DEDD2: variants seen among roughly 807,000 people sequenced by gnomAD.
DEDD2 encodes the protein death effector domain containing 2, also known as DNA-binding death effector domain-containing protein 2.
In DEDD2, 18 loss-of-function variants were observed where a neutral mutation model predicts 28.9. The ratio of observed to expected loss-of-function variants is 0.62; its 90% CI spans 0.43 to 0.92. The LOEUF is 0.92. DEDD2 is among the 40% of genes least tolerant of loss of function. The probability of loss-of-function intolerance (pLI) is 0.00; values close to 1 mark genes in which losing one functional copy is unlikely to be tolerated. For synonymous variants in DEDD2, 211 were observed against 206.1 expected (o/e 1.02, Z -0.20); for missense variants, 411 against 463.3 (o/e 0.89, Z 1.04).
chr19:42,219,076 G>A (rs12611219), upstream of DEDD2, among the ~76,000 whole-genome samples: 12,484 of 152,184 alleles, frequency 0.082, 1,603 homozygotes, highest in East Asian at 0.63. Flanking sequence ...AGGCCGAGGC[G>A]GGCGGATCAC....
chr19:42,205,766 T>C (rs1272465109), intron 4 of DEDD2, among the ~76,000 whole-genome samples: 1 of 152,100 alleles, frequency 6.6e-6, no homozygotes, highest in Non-Finnish European at 1.5e-5. Flanking sequence ...AGCTAGTCTA[T>C]CTACTTTGGT....
chr19:42,216,925 C>T lies in DEDD2; in HGVS notation c.83G>A (p.Arg28His), dbSNP rs200635438. ...TTGCCCGCCCACCACCTCGAACATACGGTGAAGCGACAGCATCCCGTAGTA... is the reference window on the plus strand; with the variant it reads ...TTGCCCGCCCACCACCTCGAACATATGGTGAAGCGACAGCATCCCGTAGTA... ...LDYYGMLSLH[R>H]MFEVVGGQLT... The change falls in exon 2 of 5, where the codon CGT becomes CAT. Residue 28 changes from arginine to histidine, a missense_variant. Physicochemically the swap from Arg to His is conservative, Grantham distance 29. This residue lies in a region of DEDD2 where 282 missense variants were observed against 273.4 expected (regional missense o/e 1.03). Coordinates refer to ENST00000596251, the MANE Select transcript of DEDD2 (RefSeq NM_133328.4). The T allele has an allele frequency of 5.8e-5, 93 of 1,600,830 alleles. No homozygotes were observed. The African/African-American group carries it at 1.1e-3, about 19-fold the overall frequency.
chr19:42,200,615 A>G (rs1340385458), intron 4 of DEDD2, among the ~76,000 whole-genome samples: 1 of 152,188 alleles, frequency 6.6e-6, no homozygotes, highest in Non-Finnish European at 1.5e-5. Context: ...AGCTGCTAAG[A>G]TGATGGGTTG....
At chr19:42,204,831 T>C (rs2035467921) in intron 4 of DEDD2, among the ~76,000 whole-genome samples, 1 of 149,348 alleles carries the variant, frequency 6.7e-6, no homozygotes, top group South Asian at 2.2e-4. Context: ...CATCTTGGCT[T>C]GCCTCCCTCG....
chr19:42,217,514 G>A (rs770602428), intron 1 of DEDD2, 118 bp downstream of exon 1: 1 of 172,962 alleles, frequency 5.8e-6, no homozygotes, highest in Non-Finnish European at 1.2e-5. Context: ...CTCCACACAG[G>A]TGGTACCGTC....
upstream of DEDD2, among the ~76,000 whole-genome samples, chr19:42,218,582 C>G (rs560406489): frequency 2.0e-5 from 3 of 152,288 alleles, no homozygotes; most frequent in African/African-American, 7.2e-5. Context: ...ACGCCCCCCA[C>G]TTAGGTGACT....
intron 3 of DEDD2, among the ~76,000 whole-genome samples, chr19:42,210,256 G>T (rs922244844): frequency 5.3e-5 from 8 of 152,206 alleles, no homozygotes; most frequent in Admixed American, 2.0e-4. Flanking sequence ...AGTGTCTACA[G>T]TGTGCTGTAC....
chr19:42,214,235 C>A (rs2035876060), intron 3 of DEDD2, among the ~76,000 whole-genome samples: 1 of 152,170 alleles, frequency 6.6e-6, no homozygotes, highest in Non-Finnish European at 1.5e-5. Context: ...GTGGGCAGAT[C>A]TCTTGAGGCC....
intron 3 of DEDD2, among the ~76,000 whole-genome samples, chr19:42,214,219 GC>G (rs1415813005): frequency 2.6e-5 from 4 of 152,162 alleles, no homozygotes; most frequent in African/African-American, 9.7e-5. Flanking sequence ...ACTTTCGGAG[GC>G]CCAGGTGGGC....
At chr19:42,209,197 C>T (rs1016481493) in intron 4 of DEDD2, among the ~76,000 whole-genome samples, 5 of 151,910 alleles carry the variant, frequency 3.3e-5, no homozygotes, top group Non-Finnish European at 7.4e-5. Context: ...GCCAAGATCA[C>T]ACCACTGCAC....
At chr19:42,212,950 C>CTGGG (rs1488347438) in intron 3 of DEDD2, among the ~76,000 whole-genome samples, 1 of 152,178 alleles carries the variant, frequency 6.6e-6, no homozygotes, top group African/African-American at 2.4e-5. Context: ...AGTCAAGTCT[C>CTGGG]TAACACTGTT....
chr19:42,200,103 C>T (rs2035273109), intron 4 of DEDD2, among the ~76,000 whole-genome samples: 1 of 152,178 alleles, frequency 6.6e-6, no homozygotes, highest in African/African-American at 2.4e-5. Flanking sequence ...TCTCTTCCTG[C>T]AGGTCTTTGC....
chr19:42,203,079 T>C (rs1167507761), intron 4 of DEDD2, among the ~76,000 whole-genome samples: 3 of 152,184 alleles, frequency 2.0e-5, no homozygotes, highest in African/African-American at 7.2e-5. Flanking sequence ...ATGGGGAAAT[T>C]GAGGCACACA....
At chr19:42,220,065 A>C (rs1390431989), upstream of DEDD2, 1 of 152,244 alleles carries the variant, frequency 6.6e-6, no homozygotes, top group Non-Finnish European at 1.5e-5. Flanking sequence ...CCATGGGCCC[A>C]ACGCTCACCA....
At chr19:42,214,716 T>G (rs1305446390) in intron 3 of DEDD2, among the ~76,000 whole-genome samples, 1 of 152,128 alleles carries the variant, frequency 6.6e-6, no homozygotes, top group Non-Finnish European at 1.5e-5. Flanking sequence ...AGAGCTATGA[T>G]TTCATCACTG....
At chr19:42,211,358 C>A (rs1292924692) in intron 3 of DEDD2, among the ~76,000 whole-genome samples, 3 of 145,138 alleles carry the variant, frequency 2.1e-5, no homozygotes, top group African/African-American at 7.6e-5. Context: ...GGACTCCAGC[C>A]TGGGAAACAG....
At chr19:42,206,504 C>A (rs2035540814) in intron 4 of DEDD2, among the ~76,000 whole-genome samples, 1 of 152,226 alleles carries the variant, frequency 6.6e-6, no homozygotes. Context: ...ACCCAAGTTT[C>A]AGCCAAGCTC....
chr19:42,208,061 A>T (rs1480489022), intron 4 of DEDD2, among the ~76,000 whole-genome samples: 2 of 152,200 alleles, frequency 1.3e-5, no homozygotes, highest in Non-Finnish European at 2.9e-5. Flanking sequence ...CACCTGTCAC[A>T]TCAGCCTGGC....
chr19:42,201,890 G>C (rs970396126), intron 4 of DEDD2: 2 of 397,530 alleles, frequency 5.0e-6, no homozygotes, highest in Non-Finnish European at 8.9e-6. Flanking sequence ...CAATCAATGT[G>C]GGTGGGAGAG....
Sources: gnomAD v4.1 joint callset for allele counts (sites outside exome capture counted in the v4.1 genomes callset) on GRCh38, gnomAD v4.1.1 for gene constraint, gnomAD v4.1.1 regional missense constraint, MANE v1.5 for transcripts, NCBI Gene and HGNC (gene_info 2026-07-23, HGNC 2026-07-21) for gene names.